ERG: variants seen among roughly 807,000 people sequenced by gnomAD.
ERG encodes ETS transcription factor ERG.
ERG carries 9 observed loss-of-function variants against 55.3 expected under a neutral mutation model. The ratio of observed to expected loss-of-function variants is 0.16; its 90% confidence interval spans 0.10 to 0.28. ERG has a LOEUF of 0.28. Among genes scored for constraint, ERG ranks in the 10% least tolerant of loss-of-function variants. ERG has a pLI of 1.00. For missense variants in ERG, 434 were observed against 631.6 expected (o/e 0.69, Z 3.35); for synonymous variants, 223 against 237.3 (o/e 0.94, Z 0.55).
intron 1 of ERG, among the ~76,000 whole-genome samples, chr21:38,659,008 A>AT (rs1323613614): frequency 6.6e-6 from 1 of 152,210 alleles, no homozygotes; most frequent in African/African-American, 2.4e-5. Flanking sequence ...TCTACTCTAA[A>AT]TTTTTTTAAA....
chr21:38,657,982 C>T (rs1401847595), intron 1 of ERG, among the ~76,000 whole-genome samples: 3 of 152,218 alleles, frequency 2.0e-5, no homozygotes, highest in African/African-American at 7.2e-5. Flanking sequence ...AAGATCTGAA[C>T]GTCCCTGTTA....
intron 2 of ERG, among the ~76,000 whole-genome samples, chr21:38,531,946 C>T (rs1262824031): frequency 1.3e-5 from 2 of 151,896 alleles, no homozygotes. Context: ...ATTGTGTAGA[C>T]AATTTGGTTC....
At position 38,383,715 on chromosome 21, in the gene ERG, G is replaced by A. The variant is rs763584805; in HGVS notation, c.1128C>T (p.Asn376=). ...SRALRYYYDK[N]IMTKVHGKRY... is the part of the protein sequence containing the mutation. ...GCTTCCCATGGACCTTGGTCATGAT[G>A]TTCTTGTCATAGTAGTAACGGAGGG... Residue 376 remains asparagine (N), a synonymous_variant, in exon 10 of 10, where the codon AAC becomes AAT. Transcript: ENST00000288319. The surrounding 1 kb of genome is among the most constrained non-coding windows in gnomAD (Gnocchi z 5.7). The A allele has an allele frequency of 6.2e-7, 1 of 1,614,158 alleles. No individual in the cohort carries two copies. Among genetic ancestry groups the A allele is most frequent in the Non-Finnish European group, 8.5e-7 (1 of 1,180,026 alleles).
At chr21:38,574,277 C>T (rs2059981223) in intron 2 of ERG, among the ~76,000 whole-genome samples, 2 of 152,228 alleles carry the variant, frequency 1.3e-5, no homozygotes, top group Admixed American at 6.5e-5. Context: ...ATGTTCCCAG[C>T]ACTTCCGAAG....
intron 1 of ERG, among the ~76,000 whole-genome samples, chr21:38,454,568 C>T (rs752146762): frequency 6.6e-6 from 1 of 152,116 alleles, no homozygotes; most frequent in Non-Finnish European, 1.5e-5. Context: ...AACCAGCTGC[C>T]GAGCAGCTCT....
chr21:38,654,556 G>A (rs1466536356), intron 1 of ERG, among the ~76,000 whole-genome samples: 2 of 152,166 alleles, frequency 1.3e-5, no homozygotes, highest in Non-Finnish European at 2.9e-5. Context: ...TCTAATGGCA[G>A]GGCCTTTAGG....
At chr21:38,553,657 C>G (rs945573323) in intron 2 of ERG, among the ~76,000 whole-genome samples, 3 of 152,146 alleles carry the variant, frequency 2.0e-5, no homozygotes, top group Non-Finnish European at 4.4e-5. Context: ...TAGACTCTTT[C>G]ATTTTACCAT....
intron 6 of ERG, among the ~76,000 whole-genome samples, chr21:38,393,567 T>G (rs985446636): frequency 6.6e-6 from 1 of 152,220 alleles, no homozygotes; most frequent in Non-Finnish European, 1.5e-5. Context: ...GGTAGGACAA[T>G]GCAATTGTTT....
intron 1 of ERG, among the ~76,000 whole-genome samples, chr21:38,633,953 T>C (rs2060372664): frequency 6.6e-6 from 1 of 151,690 alleles, no homozygotes. Context: ...AAAAGAACCA[T>C]AAGGTTCAGA....
rs869069278 is a variant in ERG, at chr21:38,528,433, CTTTTTTTTTTTTTTTTTTTT to C, written c.-41+47209_-41+47228del. ...TTATACATTAGGAAGCCATAGCAAA[CTTTTTTTTTTTTTTTTTTTT>C]TTTTTTTTTTTTGAGACGGAGTCTC... On this transcript the variant is annotated intron_variant, in intron 2 of 8. Coordinates refer to the ERG transcript ENST00000398897. Among the ~76,000 whole-genome samples the C allele has an allele frequency of 8.5e-5, 2 of 23,500 alleles. 1 individual carries two copies. The highest frequency in any genetic ancestry group is 1.5e-4 in the Non-Finnish European group (2 of 13,618). The allele number at this position is 23,500 out of a possible 152,430, so 15.4% of individuals were successfully genotyped here.
At chr21:38,477,630 T>G (rs2836430) in intron 1 of ERG, among the ~76,000 whole-genome samples, 17,641 of 152,224 alleles carry the variant, frequency 0.12, 1,126 homozygotes, top group East Asian at 0.26. Context: ...CACTCAGGCA[T>G]GAGCTTTCTT....
chr21:38,371,293 T>A, the ERG span, among the ~76,000 whole-genome samples: 1 of 152,082 alleles, frequency 6.6e-6, no homozygotes, highest in Non-Finnish European at 1.5e-5. Context: ...ATTAACCTAA[T>A]GATTAATTAG....
intron 1 of ERG, among the ~76,000 whole-genome samples, chr21:38,632,469 T>C (rs933052851): frequency 6.6e-6 from 1 of 152,198 alleles, no homozygotes; most frequent in Non-Finnish European, 1.5e-5. Context: ...TCACCTTGAA[T>C]TGTAATAATC....
intron 2 of ERG, among the ~76,000 whole-genome samples, chr21:38,444,115 T>C (rs2058867010): frequency 6.6e-6 from 1 of 152,218 alleles, no homozygotes; most frequent in African/African-American, 2.4e-5. Flanking sequence ...ACACTAGGAA[T>C]TGACGCAACC....
chr21:38,636,401 G>A (rs460695), intron 1 of ERG, among the ~76,000 whole-genome samples: 94,702 of 151,982 alleles, frequency 0.62, 29,881 homozygotes, highest in East Asian at 0.74. Context: ...AGGGCAAGGA[G>A]GGTCCGGCTC....
chr21:38,563,312 T>C (rs2059903790), intron 2 of ERG, among the ~76,000 whole-genome samples: 1 of 152,260 alleles, frequency 6.6e-6, no homozygotes, highest in South Asian at 2.1e-4. Context: ...GATAATGATG[T>C]GTTGATGTAG....
intron 1 of ERG, among the ~76,000 whole-genome samples, chr21:38,618,671 G>C (rs1189017496): frequency 6.6e-6 from 1 of 152,188 alleles, no homozygotes; most frequent in Non-Finnish European, 1.5e-5. Flanking sequence ...TCTGTCAATA[G>C]CATCAGCAAC....
intron 2 of ERG, among the ~76,000 whole-genome samples, chr21:38,430,476 G>A (rs1450586645): frequency 6.6e-6 from 1 of 152,130 alleles, no homozygotes; most frequent in African/African-American, 2.4e-5. Context: ...GTCATGAACT[G>A]TTATTCTCAA....
intron 2 of ERG, among the ~76,000 whole-genome samples, chr21:38,554,940 C>G (rs1376223873): frequency 6.6e-6 from 1 of 151,282 alleles, no homozygotes; most frequent in Non-Finnish European, 1.5e-5. Context: ...AAAGAAAATA[C>G]AGATGAATAG....
Sources: gnomAD v4.1 joint callset for allele counts (sites outside exome capture counted in the v4.1 genomes callset) on GRCh38, gnomAD v4.1.1 for gene constraint, Gnocchi (gnomAD v3.1) non-coding constraint, MANE v1.5 for transcripts, NCBI Gene and HGNC (gene_info 2026-07-23, HGNC 2026-07-21) for gene names.